The following AIF1L variants were observed in gnomAD, a reference collection of about 807,000 sequenced individuals.
The protein encoded by AIF1L is allograft inflammatory factor 1 like.
AIF1L carries 12 observed loss-of-function variants against 20.7 expected under a neutral mutation model. The ratio of observed to expected loss-of-function variants is 0.58; its 90% CI spans 0.37 to 0.94. The LOEUF (loss-of-function observed/expected upper bound fraction) is 0.94. Ranked by LOEUF, AIF1L falls within the 40% of genes least tolerant of loss-of-function variation. The probability of loss-of-function intolerance (pLI) is 0.01; values close to 1 mark genes in which losing one functional copy is unlikely to be tolerated. For synonymous variants in AIF1L, 76 were observed against 65.1 expected (o/e 1.17, Z -0.81); for missense variants, 173 against 185.3 (o/e 0.93, Z 0.39).
rs961136721 is a variant in AIF1L, at chr9:131,118,100, T to G, written c.365+182T>G. ...TTATCTGTCAATTGTTTGTTTGTTT[T>G]TTTTTCTTTTGAGATGGAGTCTTAC... On this transcript the variant is annotated intron_variant, in intron 5 of 5. Coordinates refer to ENST00000247291, the MANE Select transcript of AIF1L (RefSeq NM_031426.4). 5.9e-5 allele frequency among the ~76,000 whole-genome samples: 9 copies of G among 152,168 alleles called. No homozygotes were observed. The East Asian group carries it at 7.7e-4, about 13-fold the overall frequency.
At position 131,120,676 on chromosome 9, in the gene AIF1L, C is replaced by G; in HGVS notation, c.*354C>G. On this transcript the variant is annotated 3_prime_UTR_variant, in exon 6 of 6. Coordinates refer to ENST00000247291, the MANE Select transcript of AIF1L (RefSeq NM_031426.4). ...CACTCTCCATCCTTTCAGAAAGTCT[C>G]CAAGCCAAGTTCAGGCTCACTGACC... 3.3e-6 allele frequency: 1 copy of G among 300,758 alleles called. No homozygotes were observed. 18.6% of individuals were successfully genotyped at this position (300,758 alleles called of 1,614,324 possible).
intron 2 of AIF1L, among the ~76,000 whole-genome samples, chr9:131,106,825 G>C (rs1211033228): frequency 3.9e-5 from 6 of 152,088 alleles, no homozygotes; most frequent in Non-Finnish European, 8.8e-5. Flanking sequence ...GCTGGGTGTG[G>C]TGGCTCACGC....
chr9:131,107,733 C>G (rs1830782540), intron 2 of AIF1L, among the ~76,000 whole-genome samples: 1 of 152,234 alleles, frequency 6.6e-6, no homozygotes, highest in Non-Finnish European at 1.5e-5. Flanking sequence ...TAGTGCGCCC[C>G]TCTGCCCCGC....
intron 2 of AIF1L, among the ~76,000 whole-genome samples, chr9:131,100,426 G>A (rs1045340024): frequency 6.6e-6 from 1 of 152,208 alleles, no homozygotes; most frequent in African/African-American, 2.4e-5. Flanking sequence ...TCTAACCCAG[G>A]GAGTATTGTT....
intron 2 of AIF1L, among the ~76,000 whole-genome samples, chr9:131,109,218 GAAT>G (rs58888790): frequency 0.75 from 110,917 of 147,286 alleles, 41,812 homozygotes; most frequent in South Asian, 0.85. Flanking sequence ...ATGAATGAAT[GAAT>G]GAAGGAGCAA....
At chr9:131,105,101 C>T (rs773978829) in intron 2 of AIF1L, among the ~76,000 whole-genome samples, 5 of 152,190 alleles carry the variant, frequency 3.3e-5, no homozygotes, top group Admixed American at 2.6e-4. Context: ...TTGGCAGGGA[C>T]GGGGGGAGGA....
At chr9:131,115,664 T>A (rs983130092) in intron 4 of AIF1L, among the ~76,000 whole-genome samples, 4 of 131,100 alleles carry the variant, frequency 3.1e-5, no homozygotes, top group Admixed American at 2.2e-4. Flanking sequence ...ATTTTGATCA[T>A]TTTTTTTTTT....
Position 131,122,023 on chromosome 9 carries a change from T to TA in AIF1L, c.*1702dup, listed in dbSNP as rs1266287644. 2 of 152,196 alleles carry TA rather than the reference T, an allele frequency of 1.3e-5. No homozygotes were observed. The highest frequency in any genetic ancestry group is 2.4e-5 in the African/African-American group (1 of 41,434). 9.4% of individuals were successfully genotyped at this position (152,196 alleles called of 1,614,324 possible). On this transcript the variant is annotated 3_prime_UTR_variant, in exon 6 of 6. Transcript: ENST00000247291. ...ATGAAATGGACAGATTCATGGAACT[T>TA]AGAGTCCAATAGGAAAGTGAGACCC...
intron 2 of AIF1L, among the ~76,000 whole-genome samples, chr9:131,097,766 G>A (rs1387565266): frequency 2.0e-5 from 3 of 152,218 alleles, no homozygotes; most frequent in Non-Finnish European, 2.9e-5. Context: ...CAGCTCTGTG[G>A]TCCTCAGCAA....
intron 4 of AIF1L, 94 bp downstream of exon 4, chr9:131,114,712 C>A: frequency 3.3e-6 from 5 of 1,501,472 alleles, no homozygotes; most frequent in South Asian, 2.3e-5. Context: ...ATGGGGCAGT[C>A]CGGAAGGCTG....
At chr9:131,109,522 G>A (rs1830829218) in intron 2 of AIF1L, among the ~76,000 whole-genome samples, 1 of 152,034 alleles carries the variant, frequency 6.6e-6, no homozygotes, top group Admixed American at 6.5e-5. Context: ...TTGCGCCACT[G>A]GACTCCAGCC....
At chr9:131,100,778 G>T (rs1211273931) in intron 2 of AIF1L, among the ~76,000 whole-genome samples, 4 of 152,248 alleles carry the variant, frequency 2.6e-5, no homozygotes, top group African/African-American at 9.6e-5. Flanking sequence ...GGGACAGAGA[G>T]AAGCAGGAGT....
intron 4 of AIF1L, 79 bp from the exon 5 acceptor site, chr9:131,117,677 C>A: frequency 6.8e-7 from 1 of 1,469,034 alleles, no homozygotes. Flanking sequence ...CGTGGGGTGC[C>A]TGAGTGGAGC....
rs1830966592 is a variant in AIF1L, at chr9:131,114,624, T to C, written c.202+6T>C. On this transcript the variant is annotated splice_donor_region_variant and intron_variant, in intron 4 of 5. Transcript: ENST00000247291. Reference sequence around the variant, plus strand: ...GAACAATGAAGGCGAGATTGGTGAGTGAAGCCTTGAGTGTGTTTAGGGAGG... The same window carrying C: ...GAACAATGAAGGCGAGATTGGTGAGCGAAGCCTTGAGTGTGTTTAGGGAGG... The C allele has an allele frequency of 2.5e-6, 4 of 1,613,888 alleles. No individual in the cohort carries two copies. In the African/African-American group the frequency reaches 5.3e-5, roughly 22 times the overall value.
intron 4 of AIF1L, among the ~76,000 whole-genome samples, chr9:131,117,031 T>G (rs1831029719): frequency 6.6e-6 from 1 of 152,080 alleles, no homozygotes; most frequent in African/African-American, 2.4e-5. Context: ...TGGAGAACAA[T>G]CCAAAGGAAA....
At chr9:131,107,206 G>A (rs1312553642) in intron 2 of AIF1L, among the ~76,000 whole-genome samples, 2 of 152,230 alleles carry the variant, frequency 1.3e-5, no homozygotes, top group African/African-American at 4.8e-5. Flanking sequence ...TGCACAGCTA[G>A]TGCAGGGTGC....
chr9:131,116,874 C>T (rs1475082847), intron 4 of AIF1L, among the ~76,000 whole-genome samples: 3 of 152,222 alleles, frequency 2.0e-5, no homozygotes, highest in Non-Finnish European at 4.4e-5. Flanking sequence ...GAAGGCTGCC[C>T]AGCTCTCTCT....
Position 131,119,517 on chromosome 9 carries a change from A to G in AIF1L, c.366-718A>G, listed in dbSNP as rs867168478. ...ACTCTGTCTCAAAAGAAAAAAAAAA[A>G]AAAAAAGAAAACAGAAAATAACACT... On this transcript the variant is annotated intron_variant, in intron 5 of 5. Transcript: ENST00000247291. Among the ~76,000 whole-genome samples the G allele has an allele frequency of 4.4e-3, 664 of 152,186 alleles. 6 individuals are homozygous for G. The highest frequency in any genetic ancestry group is 0.015 in the African/African-American group (633 of 41,486).
chr9:131,117,677 C>T (rs1019808887), intron 4 of AIF1L, 79 bp from the exon 5 acceptor site: 11 of 1,468,916 alleles, frequency 7.5e-6, no homozygotes, highest in Non-Finnish European at 1.0e-5. Context: ...CGTGGGGTGC[C>T]TGAGTGGAGC....
Sources: gnomAD v4.1 joint callset for allele counts (sites outside exome capture counted in the v4.1 genomes callset) on GRCh38, gnomAD v4.1.1 for gene constraint, MANE v1.5 for transcripts, NCBI Gene and HGNC (gene_info 2026-07-23, HGNC 2026-07-21) for gene names.